The following MROH2A variants were observed in gnomAD, a reference collection of about 807,000 sequenced individuals.
The protein encoded by MROH2A is maestro heat like repeat family member 2A.
A neutral mutation model predicts 200.4 loss-of-function variants in MROH2A; 174 were observed. That is an observed-to-expected ratio of 0.87 (90% CI 0.77 to 0.98). MROH2A has a LOEUF of 0.98. Ranked by LOEUF, MROH2A falls within the 50% of genes least tolerant of loss-of-function variation. MROH2A has a pLI of 0.00. For missense variants in MROH2A, 2,045 were observed against 2,139.6 expected (o/e 0.96, Z 0.87); for synonymous variants, 829 against 840.4 (o/e 0.99, Z 0.23).
At chr2:233,830,694 G>T (rs2361506) in intron 38 of MROH2A, among the ~76,000 whole-genome samples, 54,424 of 151,748 alleles carry the variant, frequency 0.36, 10,877 homozygotes, top group South Asian at 0.58. Flanking sequence ...CAGTGAGGGG[G>T]ATTGAGATGC....
In MROH2A at chr2:233,804,600, A is replaced by C. The variant is rs145496107; in HGVS notation, c.1944+53A>C. On this transcript the variant is annotated intron_variant, in intron 18 of 41. Coordinates refer to ENST00000389758, the MANE Select transcript of MROH2A (RefSeq NM_001394639.1). ...CTGGGAGGAGGAGAAAGATGGGAGC[A>C]GATGGAAAGGCATTTGGTGGGCTGG... 3,421 of 1,513,456 alleles carry C rather than the reference A, an allele frequency of 2.3e-3. 21 individuals are homozygous for C. The Middle Eastern group carries it at 0.025, about 11-fold the overall frequency. The allele number at this position is 1,513,456 out of a possible 1,614,324, so 93.8% of individuals were successfully genotyped here.
intron 33 of MROH2A, 52 bp from the exon 34 acceptor site, chr2:233,822,829 G>A: frequency 6.5e-7 from 1 of 1,541,596 alleles, no homozygotes; most frequent in Non-Finnish European, 8.8e-7. Context: ...AGCCTCCCCA[G>A]GCCATGCGCT....
chr2:233,807,817 C>G lies in MROH2A; in HGVS notation c.2257C>G (p.Gln753Glu). The part of the protein sequence containing the change: ...NVLHDFEERI[Q>E]ESEQSWQISA... ...GCTTCATGACTTCGAGGAGAGGATC[C>G]AGGAGTCAGAGCAGTCCTGGCAGAT... The change falls in exon 21 of 42, where the codon CAG becomes GAG. Residue 753 changes from glutamine to glutamate, a missense_variant. Physicochemically the swap from Gln to Glu is conservative, Grantham distance 29. This residue lies in a region of MROH2A where 1,201 missense variants were observed against 1,311.3 expected (regional missense o/e 0.92). Coordinates refer to ENST00000389758, the MANE Select transcript of MROH2A (RefSeq NM_001394639.1). This position sits in a 1 kb window ranked among gnomAD's most constrained non-coding sequence, Gnocchi z 4.3. The G allele has an allele frequency of 1.3e-6, 2 of 1,550,946 alleles. No individual in the cohort carries two copies.
At chr2:233,783,648 C>A (rs1373201613) in intron 3 of MROH2A, among the ~76,000 whole-genome samples, 1 of 151,964 alleles carries the variant, frequency 6.6e-6, no homozygotes, top group Non-Finnish European at 1.5e-5. Context: ...CGGGTTCAAG[C>A]GATTCTCCTG....
At position 233,833,389 on chromosome 2, in the gene MROH2A, C is replaced by A; in HGVS notation, c.*130C>A. 1.9e-6 allele frequency: 2 copies of A among 1,066,146 alleles called. No individual in the cohort carries two copies. The highest frequency in any genetic ancestry group is 2.6e-6 in the Non-Finnish European group (2 of 777,568). 66.0% of individuals were successfully genotyped at this position (1,066,146 alleles called of 1,614,324 possible). A position where few individuals can be genotyped will look rare whatever the true frequency, so the allele number is the denominator to read the frequency against. On this transcript the variant is annotated 3_prime_UTR_variant, in exon 42 of 42. Transcript: ENST00000389758. ...ATAACTAGTATCCTTTTGTTTCCTTCCGTTGAAATAAACCTCCACTGTCGT... is the reference window on the plus strand; with the variant it reads ...ATAACTAGTATCCTTTTGTTTCCTTACGTTGAAATAAACCTCCACTGTCGT...
chr2:233,799,159 G>T lies in MROH2A; in HGVS notation c.1329+309G>T, dbSNP rs113600850. ...TCAAGGGTTTTGTGAGGTCTTTATC[G>T]CATGTGAAAAAAGCAACTAAGGGGT... On this transcript the variant is annotated intron_variant, in intron 12 of 41. Transcript: ENST00000389758. 9.2e-5 allele frequency among the ~76,000 whole-genome samples: 14 copies of T among 152,202 alleles called. No homozygotes were observed. In the East Asian group the frequency reaches 2.7e-3, roughly 29 times the overall value.
chr2:233,809,780 G>GTACATA (rs1553636273), intron 22 of MROH2A, among the ~76,000 whole-genome samples: 1 of 151,372 alleles, frequency 6.6e-6, no homozygotes, highest in Admixed American at 6.6e-5. Context: ...CCATTTTTAA[G>GTACATA]TATATATATA....
intron 23 of MROH2A, 128 bp from the exon 24 acceptor site, chr2:233,811,752 A>G (rs1251163425): frequency 1.5e-6 from 1 of 685,568 alleles, no homozygotes; most frequent in Non-Finnish European, 2.6e-6. Flanking sequence ...AATGGCCCTA[A>G]AAAGAATGAA....
chr2:233,787,930 ATT>A lies in MROH2A; in HGVS notation c.277-1566_277-1565del, dbSNP rs1369598487. Among the ~76,000 whole-genome samples, 20 of 55,514 alleles carry A rather than the reference ATT, an allele frequency of 3.6e-4. 6 individuals are homozygous for A. Among genetic ancestry groups the A allele is most frequent in the East Asian group, 5.8e-4 (1 of 1,734 alleles). 36.4% of individuals were successfully genotyped at this position (55,514 alleles called of 152,430 possible). A position where few individuals can be genotyped will look rare whatever the true frequency, so the allele number is the denominator to read the frequency against. On this transcript the variant is annotated intron_variant, in intron 3 of 41. Coordinates refer to ENST00000389758, the MANE Select transcript of MROH2A (RefSeq NM_001394639.1). ...ATATATATTATATATATACATATATATTATATATACATATATATTATATATAC... is the reference window on the plus strand; with the variant it reads ...ATATATATTATATATATACATATATAATATATACATATATATTATATATAC...
chr2:233,812,013 AC>A, intron 24 of MROH2A, 54 bp downstream of exon 24: 1 of 1,246,472 alleles, frequency 8.0e-7, no homozygotes, highest in Non-Finnish European at 1.1e-6. Context: ...AAAGTTCAAG[AC>A]CATTCCTCGG....
At chr2:233,829,158 G>C in intron 37 of MROH2A, 86 bp downstream of exon 37, 1 of 1,281,490 alleles carries the variant, frequency 7.8e-7, no homozygotes. Flanking sequence ...CTCTAGAGCA[G>C]AAAAGAGCCG....
chr2:233,832,447 TCCTCCCTG>T, intron 40 of MROH2A, 124 bp from the exon 41 acceptor site: 1 of 973,050 alleles, frequency 1.0e-6, no homozygotes, highest in East Asian at 2.6e-5. Flanking sequence ...GATTTTGGCT[TCCTCCCTG>T]CCAACGTGGG....
chr2:233,801,712 CACA>C (rs923492570), intron 14 of MROH2A, among the ~76,000 whole-genome samples: 19 of 152,334 alleles, frequency 1.2e-4, no homozygotes, highest in African/African-American at 3.8e-4. Context: ...AAGCTACCTT[CACA>C]ACAACACCTA....
chr2:233,829,105 C>A, intron 37 of MROH2A, 33 bp downstream of exon 37: 1 of 1,474,564 alleles, frequency 6.8e-7, no homozygotes, highest in South Asian at 1.4e-5. Flanking sequence ...TGAGCTTGCT[C>A]AGTGAAGGAG....
Position 233,822,976 on chromosome 2 carries a change from A to G in MROH2A, c.3962A>G (p.Gln1321Arg), listed in dbSNP as rs774466277. The part of the protein sequence containing the change: ...LDEQAVWDLL[Q>R]DGGTFLEGVS... Reference sequence around the variant, plus strand: ...GAGCAGGCAGTGTGGGACCTCCTGCAGGACGGCGGGACATTCCTGGAGGGT... The same window carrying G: ...GAGCAGGCAGTGTGGGACCTCCTGCGGGACGGCGGGACATTCCTGGAGGGT... The change falls in exon 34 of 42, where the codon CAG becomes CGG. Residue 1321 changes from glutamine (Q) to arginine (R), a missense_variant. Around this residue, in one of 3 missense-constraint regions of MROH2A, gnomAD observed 1,201 missense variants for 1,311.3 expected, o/e 0.92. Coordinates refer to ENST00000389758, the MANE Select transcript of MROH2A (RefSeq NM_001394639.1). 3 of 1,550,588 alleles carry G rather than the reference A, an allele frequency of 1.9e-6. No homozygotes were observed. The South Asian group carries it at 3.6e-5, about 18-fold the overall frequency.
At position 233,820,089 on chromosome 2, in the gene MROH2A, C is replaced by T; in HGVS notation, c.3512+33C>T. 2 of 1,482,208 alleles carry T rather than the reference C, an allele frequency of 1.3e-6. No homozygotes were observed. Among genetic ancestry groups the T allele is most frequent in the Non-Finnish European group, 1.8e-6 (2 of 1,107,926 alleles). 91.8% of individuals were successfully genotyped at this position (1,482,208 alleles called of 1,614,324 possible). On this transcript the variant is annotated intron_variant, in intron 31 of 41. Coordinates refer to ENST00000389758, the MANE Select transcript of MROH2A (RefSeq NM_001394639.1). The surrounding 1 kb of genome is among the most constrained non-coding windows in gnomAD (Gnocchi z 4.1). ...CCCTGGAGGAGGTGGCCCCGGCCTC[C>T]TGTGCCATTTGACCATGCCCAACTC...
chr2:233,811,952 C>T lies in MROH2A; in HGVS notation c.2644C>T (p.His882Tyr), dbSNP rs1250456881. 1 of 1,549,336 alleles carries T rather than the reference C, an allele frequency of 6.5e-7. No homozygotes were observed. The highest frequency in any genetic ancestry group is 2.4e-5 in the East Asian group (1 of 40,900). Reference sequence around the variant, plus strand: ...AGCCTTGGCGATGGAGGCCCTCTCGCACCTGAGGTGAGCTGGGTTCCCACC... The same window carrying T: ...AGCCTTGGCGATGGAGGCCCTCTCGTACCTGAGGTGAGCTGGGTTCCCACC... The part of the protein sequence containing the change: ...VRALAMEALS[H>Y]LSKLKPFYST... The change falls in exon 24 of 42, where the codon CAC becomes TAC. Residue 882 changes from histidine (H) to tyrosine (Y), a missense_variant. By Grantham distance (83) the His-to-Tyr change is moderately conservative (BLOSUM62 2). Around this residue, in one of 3 missense-constraint regions of MROH2A, gnomAD observed 1,201 missense variants for 1,311.3 expected, o/e 0.92. Transcript: ENST00000389758.
intron 35 of MROH2A, among the ~76,000 whole-genome samples, chr2:233,824,636 A>G (rs1704182533): frequency 6.6e-6 from 1 of 152,210 alleles, no homozygotes; most frequent in Non-Finnish European, 1.5e-5. Context: ...AGATGAAGTT[A>G]CTTAGCGTCT....
At chr2:233,784,151 T>C (rs374419210) in intron 3 of MROH2A, among the ~76,000 whole-genome samples, 1 of 152,152 alleles carries the variant, frequency 6.6e-6, no homozygotes, top group South Asian at 2.1e-4. Flanking sequence ...TTGAATTCTT[T>C]CTACTTTTTT....
Sources: gnomAD v4.1 joint callset for allele counts (sites outside exome capture counted in the v4.1 genomes callset) on GRCh38, gnomAD v4.1.1 for gene constraint, gnomAD v4.1.1 regional missense constraint, Gnocchi (gnomAD v3.1) non-coding constraint, MANE v1.5 for transcripts, NCBI Gene and HGNC (gene_info 2026-07-23, HGNC 2026-07-21) for gene names.